Variants in RFTN1 observed in about 807,000 individuals in gnomAD.
RFTN1 encodes raftlin, lipid raft linker 1.
RFTN1 carries 26 observed loss-of-function variants against 46.5 expected under a neutral mutation model. The ratio of observed to expected loss-of-function variants is 0.56; its 90% CI spans 0.41 to 0.78. RFTN1 has a LOEUF of 0.78. RFTN1 is among the 30% of genes least tolerant of loss of function. The pLI is 0.00. For missense variants in RFTN1, 693 were observed against 718.7 expected, an observed-to-expected ratio of 0.96 and a Z score of 0.41; for synonymous variants, 261 against 284.2, an observed-to-expected ratio of 0.92 and a Z score of 0.82.
At chr3:16,417,009 CTTTTTTTT>C (rs72060599) in intron 3 of RFTN1, among the ~76,000 whole-genome samples, 4 of 121,296 alleles carry the variant, frequency 3.3e-5, no homozygotes, top group African/African-American at 1.4e-4. Context: ...TTTTCTTTTT[CTTTTTTTT>C]TTTTTTTTTG....
At chr3:16,491,801 T>C (rs1327772036) in intron 2 of RFTN1, among the ~76,000 whole-genome samples, 1 of 150,824 alleles carries the variant, frequency 6.6e-6, no homozygotes, top group South Asian at 2.1e-4. Flanking sequence ...CAACTGCAAA[T>C]GGGAGAAAAA....
Position 16,484,589 on chromosome 3 carries a change from G to A in RFTN1, c.145+9136C>T, listed in dbSNP as rs1012110722. 1 of 152,150 alleles carries A rather than the reference G, an allele frequency of 6.6e-6. No homozygotes were observed. Among genetic ancestry groups the A allele is most frequent in the Non-Finnish European group, 1.5e-5 (1 of 68,026 alleles). The allele number at this position is 152,150 out of a possible 1,614,324, so 9.4% of individuals were successfully genotyped here. A position where few individuals can be genotyped will look rare whatever the true frequency, so the allele number is the denominator to read the frequency against. On this transcript the variant is annotated intron_variant, in intron 2 of 9. Coordinates refer to ENST00000334133, the MANE Select transcript of RFTN1 (RefSeq NM_015150.2). This position sits in a 1 kb window ranked among gnomAD's most constrained non-coding sequence, Gnocchi z 4.6. Reference sequence around the variant, plus strand: ...CCTCGAAATTGTAATGCGTGTCATGGGAATGTCTTATAAGGAGGAACTTAA... The same window carrying A: ...CCTCGAAATTGTAATGCGTGTCATGAGAATGTCTTATAAGGAGGAACTTAA...
rs56152688 is a variant in RFTN1 at position 16,433,187 on chromosome 3, A to T, written c.332+664T>A. On this transcript the variant is annotated intron_variant, in intron 3 of 9. Coordinates refer to ENST00000334133, the MANE Select transcript of RFTN1 (RefSeq NM_015150.2). This position sits in a 1 kb window ranked among gnomAD's most constrained non-coding sequence, Gnocchi z 4.4. ...CCATCCTCACTGTTTTTTTTTTTTA[A>T]AAAAATTAATATTGTTCCTTTTGAA... Among the ~76,000 whole-genome samples the T allele has an allele frequency of 3.1e-3, 453 of 145,554 alleles. 4 individuals are homozygous for T. The highest frequency in any genetic ancestry group is 0.01 in the African/African-American group (382 of 36,926).
rs2125377819 is a variant in RFTN1, at chr3:16,378,051, A to T, written c.493T>A (p.Tyr165Asn). 1 of 1,614,244 alleles carries T rather than the reference A, an allele frequency of 6.2e-7. No homozygotes were observed. The highest frequency in any genetic ancestry group is 1.7e-5 in the Admixed American group (1 of 60,028). ...CCTGCCGAGTTCACAGAGGAATGGT[A>T]CTGAGGTATAACACCAACGAATTTC... ...GLKFVGVIPQ[Y>N]HSSVNSAGSS... is the part of the protein sequence containing the mutation. The change falls in exon 5 of 10, where the codon TAC becomes AAC. Residue 165 changes from tyrosine to asparagine, a missense_variant. Transcript: ENST00000334133.
At chr3:16,397,705 A>G (rs2074501226) in intron 4 of RFTN1, among the ~76,000 whole-genome samples, 1 of 152,172 alleles carries the variant, frequency 6.6e-6, no homozygotes, top group Non-Finnish European at 1.5e-5. Context: ...GGTGGTCAAT[A>G]GATTCATCAT....
At chr3:16,431,536 T>C (rs2075388250) in intron 3 of RFTN1, among the ~76,000 whole-genome samples, 2 of 151,976 alleles carry the variant, frequency 1.3e-5, no homozygotes. Context: ...CTTTTTGAGT[T>C]AAGCTCAGGC....
In RFTN1 at chr3:16,504,873, C is replaced by A. The variant is rs2076775639; in HGVS notation, c.-9+8569G>T. 6.6e-6 allele frequency among the ~76,000 whole-genome samples: 1 copy of A among 152,166 alleles called. No individual in the cohort carries two copies. The highest frequency in any genetic ancestry group is 2.4e-5 in the African/African-American group (1 of 41,444). The stretch of plus-strand genomic sequence containing the variant: ...AGAATATGCCCCACAGAATGCAGCA[C>A]CTTGCCCAACAAGCTTGCTCTTCCT... On this transcript the variant is annotated intron_variant, in intron 1 of 9. Coordinates refer to ENST00000334133, the MANE Select transcript of RFTN1 (RefSeq NM_015150.2). The surrounding 1 kb of genome is among the most constrained non-coding windows in gnomAD (Gnocchi z 4.4).
intron 2 of RFTN1, among the ~76,000 whole-genome samples, chr3:16,486,891 G>A (rs971457767): frequency 1.3e-5 from 2 of 152,254 alleles, no homozygotes; most frequent in Non-Finnish European, 2.9e-5. Context: ...ACAACGTGAT[G>A]GGACTAGTGT....
chr3:16,396,831 G>A (rs1261552515), intron 4 of RFTN1, among the ~76,000 whole-genome samples: 4 of 152,202 alleles, frequency 2.6e-5, no homozygotes, highest in African/African-American at 9.7e-5. Context: ...GGGAAGCTGA[G>A]GTGGGCGGAT....
In RFTN1 at chr3:16,498,997, T is replaced by C. The variant is rs2076666631; in HGVS notation, c.-8-5120A>G. On this transcript the variant is annotated intron_variant, in intron 1 of 9. Coordinates refer to ENST00000334133, the MANE Select transcript of RFTN1 (RefSeq NM_015150.2). The surrounding 1 kb of genome is among the most constrained non-coding windows in gnomAD (Gnocchi z 5.2). ...CCTGCAAGAGGATGGAGGCAAAAGA[T>C]GGGTATGTTGCTTTTGAGGGCAGTG... is the stretch of plus-strand genomic sequence containing the variant. 6.6e-6 allele frequency among the ~76,000 whole-genome samples: 1 copy of C among 152,018 alleles called. No homozygotes were observed. Among genetic ancestry groups the C allele is most frequent in the Non-Finnish European group, 1.5e-5 (1 of 67,988 alleles).
Position 16,418,224 on chromosome 3 carries a change from T to A in RFTN1, c.333-8741A>T, listed in dbSNP as rs1372049333. ...TATGCATTTTGGTCTCATGGGAAGA[T>A]CTAAAATGAGGCCACTAAAAAACAA... On this transcript the variant is annotated intron_variant, in intron 3 of 9. Coordinates refer to ENST00000334133, the MANE Select transcript of RFTN1 (RefSeq NM_015150.2). This position sits in a 1 kb window ranked among gnomAD's most constrained non-coding sequence, Gnocchi z 5.0. 6.6e-6 allele frequency among the ~76,000 whole-genome samples: 1 copy of A among 152,164 alleles called. No homozygotes were observed. The highest frequency in any genetic ancestry group is 2.4e-5 in the African/African-American group (1 of 41,436).
At position 16,344,859 on chromosome 3, in the gene RFTN1, A is replaced by G. The variant is rs1185765950; in HGVS notation, c.1146+13073T>C. On this transcript the variant is annotated intron_variant, in intron 7 of 9. Coordinates refer to ENST00000334133, the MANE Select transcript of RFTN1 (RefSeq NM_015150.2). The surrounding 1 kb of genome is among the most constrained non-coding windows in gnomAD (Gnocchi z 4.4). ...TCAAGGAGTGGTAGTGAGTGAACAC[A>G]TAACTACAAGAACACCCCCCAACCT... Among the ~76,000 whole-genome samples the G allele has an allele frequency of 6.6e-6, 1 of 152,248 alleles. No individual in the cohort carries two copies. Among genetic ancestry groups the G allele is most frequent in the Non-Finnish European group, 1.5e-5 (1 of 68,046 alleles).
intron 2 of RFTN1, among the ~76,000 whole-genome samples, chr3:16,471,169 A>C (rs1328764317): frequency 6.6e-6 from 1 of 152,226 alleles, no homozygotes; most frequent in Non-Finnish European, 1.5e-5. Flanking sequence ...CCCTATTGTT[A>C]AATAAATCAC....
chr3:16,460,407 G>A lies in RFTN1; in HGVS notation c.146-26370C>T, dbSNP rs2075987467. Reference sequence around the variant, plus strand: ...ACAGCCCACAGGAAAGACTTGAGGAGGTTCAGGTAGACATTTCATTTGAAT... The same window carrying A: ...ACAGCCCACAGGAAAGACTTGAGGAAGTTCAGGTAGACATTTCATTTGAAT... On this transcript the variant is annotated intron_variant, in intron 2 of 9. Transcript: ENST00000334133. This position sits in a 1 kb window ranked among gnomAD's most constrained non-coding sequence, Gnocchi z 4.8. 6.6e-6 allele frequency among the ~76,000 whole-genome samples: 1 copy of A among 152,094 alleles called. No individual in the cohort carries two copies. The highest frequency in any genetic ancestry group is 1.5e-5 in the Non-Finnish European group (1 of 68,034).
At chr3:16,434,574 A>G (rs982358225) in intron 2 of RFTN1, 1 of 152,768 alleles carries the variant, frequency 6.5e-6, no homozygotes, top group Non-Finnish European at 1.5e-5. Context: ...ATAAAATAAA[A>G]TAATAATGGA....
chr3:16,332,065 G>A (rs747955819), intron 7 of RFTN1, among the ~76,000 whole-genome samples: 4 of 151,778 alleles, frequency 2.6e-5, no homozygotes, highest in African/African-American at 9.7e-5. Context: ...TAGAAGTTCC[G>A]GAATTTCATG....
rs145215854 is a variant in RFTN1, at chr3:16,335,245, G to C, written c.1147-8369C>G. Reference sequence around the variant, plus strand: ...TGGAGGTGCTGACAGATGCAGGGTAGGTGAAAACTCCTGGAGGGATGAGGC... The same window carrying C: ...TGGAGGTGCTGACAGATGCAGGGTACGTGAAAACTCCTGGAGGGATGAGGC... On this transcript the variant is annotated intron_variant, in intron 7 of 9. Coordinates refer to ENST00000334133, the MANE Select transcript of RFTN1 (RefSeq NM_015150.2). This position sits in a 1 kb window ranked among gnomAD's most constrained non-coding sequence, Gnocchi z 4.7. Among the ~76,000 whole-genome samples the C allele has an allele frequency of 0.01, 1,562 of 152,302 alleles. 13 individuals are homozygous for C. Among genetic ancestry groups the C allele is most frequent in the Middle Eastern group, 0.034 (10 of 294 alleles).
chr3:16,400,422 C>T lies in RFTN1; in HGVS notation c.441+8953G>A, dbSNP rs919013424. On this transcript the variant is annotated intron_variant, in intron 4 of 9. Coordinates refer to ENST00000334133, the MANE Select transcript of RFTN1 (RefSeq NM_015150.2). This position sits in a 1 kb window ranked among gnomAD's most constrained non-coding sequence, Gnocchi z 4.5. Reference sequence around the variant, plus strand: ...CCTTGCCATGTTCTACTCGACAGCGCTCACCCATCTGTGATCCTACAACCC... The same window carrying T: ...CCTTGCCATGTTCTACTCGACAGCGTTCACCCATCTGTGATCCTACAACCC... 6.6e-6 allele frequency among the ~76,000 whole-genome samples: 1 copy of T among 152,220 alleles called. No homozygotes were observed. Among genetic ancestry groups the T allele is most frequent in the African/African-American group, 2.4e-5 (1 of 41,454 alleles).
chr3:16,400,943 T>G lies in RFTN1; in HGVS notation c.441+8432A>C, dbSNP rs1274539265. Among the ~76,000 whole-genome samples the G allele has an allele frequency of 6.6e-6, 1 of 152,024 alleles. No individual in the cohort carries two copies. Among genetic ancestry groups the G allele is most frequent in the Non-Finnish European group, 1.5e-5 (1 of 67,986 alleles). On this transcript the variant is annotated intron_variant, in intron 4 of 9. Coordinates refer to ENST00000334133, the MANE Select transcript of RFTN1 (RefSeq NM_015150.2). The surrounding 1 kb of genome is among the most constrained non-coding windows in gnomAD (Gnocchi z 4.5). ...GGGGATGCCCATTACCTTGTGCCCC[T>G]CCCACCTCGCCCTGCCTGGAACCTG...
Sources: gnomAD v4.1 joint callset for allele counts (sites outside exome capture counted in the v4.1 genomes callset) on GRCh38, gnomAD v4.1.1 for gene constraint, Gnocchi (gnomAD v3.1) non-coding constraint, MANE v1.5 for transcripts, NCBI Gene and HGNC (gene_info 2026-07-23, HGNC 2026-07-21) for gene names.